Variants in EPHA5 observed in about 807,000 individuals in gnomAD.
The protein encoded by EPHA5 is EPH receptor A5.
EPHA5 carries 60 observed loss-of-function variants against 105.0 expected under a neutral mutation model. The observed-to-expected ratio is 0.57, with a 90% CI of 0.46 to 0.71. The LOEUF (loss-of-function observed/expected upper bound fraction) is 0.71. Ranked by LOEUF, EPHA5 falls within the 30% of genes least tolerant of loss-of-function variation. EPHA5 has a pLI of 0.00. For missense variants in EPHA5, 1,218 were observed against 1,274.7 expected, an observed-to-expected ratio of 0.96 and a Z score of 0.68; for synonymous variants, 513 against 449.1, an observed-to-expected ratio of 1.14 and a Z score of -1.80.
chr4:65,377,329 G>A (rs1008583144), intron 8 of EPHA5, among the ~76,000 whole-genome samples: 16 of 151,782 alleles, frequency 1.1e-4, no homozygotes, highest in African/African-American at 3.6e-4. Flanking sequence ...CAATATATTC[G>A]AATTAATTGT....
intron 8 of EPHA5, among the ~76,000 whole-genome samples, chr4:65,385,232 ATAAG>A (rs1372887672): frequency 6.6e-6 from 1 of 151,890 alleles, no homozygotes; most frequent in Non-Finnish European, 1.5e-5. Context: ...AAAGAAGAAA[ATAAG>A]TAAAAGAAAC....
intron 7 of EPHA5, among the ~76,000 whole-genome samples, chr4:65,405,703 T>A (rs1052481868): frequency 3.9e-5 from 6 of 152,106 alleles, no homozygotes; most frequent in Non-Finnish European, 8.8e-5. Flanking sequence ...TCTTTTTGCA[T>A]AATATATACA....
intron 5 of EPHA5, among the ~76,000 whole-genome samples, chr4:65,436,017 G>T (rs533716718): frequency 9.9e-5 from 15 of 152,052 alleles, no homozygotes; most frequent in African/African-American, 3.1e-4. Context: ...GATAGTAGAT[G>T]CTATAATGTT....
intron 1 of EPHA5, among the ~76,000 whole-genome samples, chr4:65,667,988 T>C (rs1249535496): frequency 6.6e-6 from 1 of 152,122 alleles, no homozygotes; most frequent in Non-Finnish European, 1.5e-5. Context: ...TAATAAAAGG[T>C]CTACGACTCT....
chr4:65,579,968 C>G (rs1266701694), intron 3 of EPHA5, among the ~76,000 whole-genome samples: 1 of 151,796 alleles, frequency 6.6e-6, no homozygotes, highest in Non-Finnish European at 1.5e-5. Flanking sequence ...ATTTAATAGT[C>G]TTTATTAATA....
intron 3 of EPHA5, among the ~76,000 whole-genome samples, chr4:65,502,873 C>T (rs1191493878): frequency 6.6e-6 from 1 of 151,646 alleles, no homozygotes; most frequent in Non-Finnish European, 1.5e-5. Flanking sequence ...AGGTTTCCAC[C>T]AATGGTGGAC....
intron 3 of EPHA5, among the ~76,000 whole-genome samples, chr4:65,511,150 T>G (rs1187140313): frequency 6.6e-6 from 1 of 152,124 alleles, no homozygotes; most frequent in East Asian, 1.9e-4. Flanking sequence ...GAAATAAATT[T>G]CTGCTGCTTA....
intron 3 of EPHA5, among the ~76,000 whole-genome samples, chr4:65,531,231 G>T (rs111312296): frequency 0.24 from 35,212 of 149,000 alleles, 4,436 homozygotes; most frequent in Middle Eastern, 0.32. Flanking sequence ...TAGAGACGGG[G>T]TTTCACCTTG....
At position 65,554,981 on chromosome 4, in the gene EPHA5, CAAAAAAAAAAAA is replaced by C. The variant is rs71205383; in HGVS notation, c.910+46648_910+46659del. The stretch of plus-strand genomic sequence containing the variant: ...TTATCACTTCACCCCTATACAACAG[CAAAAAAAAAAAA>C]AAAAAAAAAAAAAAAAAAAGTACAT... On this transcript the variant is annotated intron_variant, in intron 3 of 16. Transcript: ENST00000613740. 4.5e-3 allele frequency among the ~76,000 whole-genome samples: 416 copies of C among 92,558 alleles called. 6 individuals are homozygous for C. Among genetic ancestry groups the C allele is most frequent in the South Asian group, 0.016 (42 of 2,546 alleles). 60.7% of individuals were successfully genotyped at this position (92,558 alleles called of 152,430 possible).
intron 8 of EPHA5, among the ~76,000 whole-genome samples, chr4:65,387,355 A>G (rs767894485): frequency 2.6e-5 from 4 of 151,988 alleles, no homozygotes; most frequent in Non-Finnish European, 4.4e-5. Flanking sequence ...GCTAAACTGT[A>G]CAAGCTCCAT....
chr4:65,369,515 A>G (rs988663869), intron 8 of EPHA5, among the ~76,000 whole-genome samples: 4 of 152,156 alleles, frequency 2.6e-5, no homozygotes, highest in African/African-American at 9.7e-5. Context: ...TTACACATGT[A>G]CTAACAGAGA....
At chr4:65,381,308 T>C (rs1719537537) in intron 8 of EPHA5, among the ~76,000 whole-genome samples, 1 of 151,702 alleles carries the variant, frequency 6.6e-6, no homozygotes, top group South Asian at 2.1e-4. Flanking sequence ...TTTTAAAAAT[T>C]AGGTAAAAAT....
chr4:65,404,631 G>T (rs942245308), intron 7 of EPHA5, among the ~76,000 whole-genome samples, 152 bp from the exon 8 acceptor site: 3 of 152,120 alleles, frequency 2.0e-5, no homozygotes. Context: ...TTAAAAGTGT[G>T]TAATTGAAAA....
intron 8 of EPHA5, among the ~76,000 whole-genome samples, chr4:65,399,610 G>A (rs1451767056): frequency 6.6e-6 from 1 of 152,186 alleles, no homozygotes; most frequent in Non-Finnish European, 1.5e-5. Flanking sequence ...TTTGTTTCCT[G>A]TTTTTAAAAT....
At chr4:65,504,378 A>G (rs1175433268) in intron 3 of EPHA5, among the ~76,000 whole-genome samples, 3 of 150,386 alleles carry the variant, frequency 2.0e-5, no homozygotes, top group African/African-American at 7.3e-5. Flanking sequence ...ATATATATAT[A>G]TATAGATAGA....
At chr4:65,428,487 C>A (rs1236952607) in intron 5 of EPHA5, among the ~76,000 whole-genome samples, 3 of 152,014 alleles carry the variant, frequency 2.0e-5, no homozygotes, top group Admixed American at 1.3e-4. Context: ...TCAATCTGCT[C>A]ACTCAGACAA....
chr4:65,455,827 C>T (rs1237377390), intron 5 of EPHA5, among the ~76,000 whole-genome samples: 2 of 152,166 alleles, frequency 1.3e-5, no homozygotes, highest in East Asian at 1.9e-4. Flanking sequence ...AATACAAATG[C>T]CCTGAACACA....
intron 5 of EPHA5, among the ~76,000 whole-genome samples, chr4:65,459,313 G>A (rs1427003030): frequency 6.6e-6 from 1 of 151,852 alleles, no homozygotes; most frequent in Non-Finnish European, 1.5e-5. Context: ...GGAAACTAAA[G>A]GAAAACAAAA....
In EPHA5 at chr4:65,670,289, CAA is replaced by C. The variant is rs1432968502; in HGVS notation, c.-549_-548del. ...CGAGCAAAAGCAAAGATCCAGAGTTCAAAGAGACTGGCAGAAGGAAATAGCTG... is the reference window on the plus strand; with the variant it reads ...CGAGCAAAAGCAAAGATCCAGAGTTCAGAGACTGGCAGAAGGAAATAGCTG... On this transcript the variant is annotated 5_prime_UTR_variant, in exon 1 of 17. Coordinates refer to ENST00000613740, the MANE Select transcript of EPHA5 (RefSeq NM_001281766.3). The C allele has an allele frequency of 8.6e-6, 2 of 233,638 alleles. No homozygotes were observed. Among genetic ancestry groups the C allele is most frequent in the African/African-American group, 4.4e-5 (2 of 45,378 alleles). 14.5% of individuals were successfully genotyped at this position (233,638 alleles called of 1,614,324 possible). A position where few individuals can be genotyped will look rare whatever the true frequency, so the allele number is the denominator to read the frequency against.
Sources: allele counts gnomAD v4.1 joint callset (sites outside exome capture counted in the v4.1 genomes callset), GRCh38; gene constraint gnomAD v4.1.1; transcripts MANE v1.5; gene names NCBI Gene and HGNC (gene_info 2026-07-23, HGNC 2026-07-21).